SMIM18: variants seen among roughly 807,000 people sequenced by gnomAD.
SMIM18 encodes the protein small integral membrane protein 18.
Under a neutral mutation model 5.9 loss-of-function variants are expected in SMIM18, and 4 were observed. The ratio of observed to expected loss-of-function variants is 0.68; its 90% confidence interval spans 0.33 to 1.56. SMIM18 has a LOEUF of 1.56. Ranked by LOEUF, SMIM18 falls within the 40% of genes most tolerant of loss-of-function variation. The pLI is 0.06. For synonymous variants in SMIM18, 37 were observed against 37.4 expected (o/e 0.99, Z 0.04); for missense variants, 89 against 109.7 (o/e 0.81, Z 0.84).
chr8:30,641,970 A>AT (rs1801852293), intron 1 of SMIM18, among the ~76,000 whole-genome samples: 1 of 152,216 alleles, frequency 6.6e-6, no homozygotes. Context: ...CCAGCCAAGC[A>AT]TAATTATTAA....
chr8:30,645,724 A>C lies in SMIM18; in HGVS notation c.*127A>C, dbSNP rs1802050364. On this transcript the variant is annotated 3_prime_UTR_variant, in exon 3 of 3. Coordinates refer to ENST00000517349, the MANE Select transcript of SMIM18 (RefSeq NM_001206847.2). ...TGAATGGTTAAAACATTTCTAGTAG[A>C]AGGGGAAAAAAAAGTTAAACATGCA... is the stretch of plus-strand genomic sequence containing the variant. 2.0e-6 allele frequency: 2 copies of C among 981,572 alleles called. No individual in the cohort carries two copies. Among genetic ancestry groups the C allele is most frequent in the South Asian group, 3.6e-5 (2 of 56,106 alleles). 60.8% of individuals were successfully genotyped at this position (981,572 alleles called of 1,614,324 possible). A position where few individuals can be genotyped will look rare whatever the true frequency, so the allele number is the denominator to read the frequency against.
chr8:30,642,686 C>T (rs186260315), intron 1 of SMIM18, among the ~76,000 whole-genome samples: 1 of 152,196 alleles, frequency 6.6e-6, no homozygotes, highest in Non-Finnish European at 1.5e-5. Flanking sequence ...TTCCTATATA[C>T]ACTATCCTAC....
intron 1 of SMIM18, among the ~76,000 whole-genome samples, chr8:30,641,651 T>C (rs1449046940): frequency 1.3e-5 from 2 of 152,044 alleles, no homozygotes; most frequent in East Asian, 3.9e-4. Flanking sequence ...CCAAGGTGGG[T>C]GGATTACCTG....
rs142229470 is a variant in SMIM18, at chr8:30,640,233, G to A, written c.-111+1594G>A. On this transcript the variant is annotated intron_variant, in intron 1 of 2. Transcript: ENST00000517349. ...TAGGATTAACTGATCACATTTCAAA[G>A]TGATATGCTTAAAAGCACCTGAGAA... 4.0e-3 allele frequency among the ~76,000 whole-genome samples: 610 copies of A among 152,246 alleles called. 9 individuals carry two copies. Among genetic ancestry groups the A allele is most frequent in the African/African-American group, 0.014 (592 of 41,546 alleles).
At chr8:30,639,657 A>G (rs1473859275) in intron 1 of SMIM18, among the ~76,000 whole-genome samples, 2 of 152,202 alleles carry the variant, frequency 1.3e-5, no homozygotes, top group African/African-American at 4.8e-5. Flanking sequence ...ATGAAAATTT[A>G]GTTATTTACT....
At chr8:30,640,203 G>A (rs192695398) in intron 1 of SMIM18, among the ~76,000 whole-genome samples, 3 of 152,222 alleles carry the variant, frequency 2.0e-5, no homozygotes, top group Admixed American at 6.5e-5. Flanking sequence ...ATATTTACAG[G>A]CTATTAGGAT....
At chr8:30,645,121 G>A (rs149819613) in intron 2 of SMIM18, among the ~76,000 whole-genome samples, 160 bp from the exon 3 acceptor site, 46 of 152,254 alleles carry the variant, frequency 3.0e-4, no homozygotes, top group African/African-American at 1.1e-3. Flanking sequence ...GACTAAGGAC[G>A]TTGGCCCAGA....
chr8:30,645,370 G>A lies in SMIM18; in HGVS notation c.61G>A (p.Val21Ile), dbSNP rs1282926303. Residue 21 changes from valine to isoleucine, a missense_variant, in exon 3 of 3, where the codon GTT (valine) becomes ATT (isoleucine). Coordinates refer to ENST00000517349, the MANE Select transcript of SMIM18 (RefSeq NM_001206847.2). ...TSVYQYLGFQ[V>I]QKIYPFHDNW... is the part of the protein sequence containing the mutation. ...TGTTTATCAGTACCTTGGTTTTCAA[G>A]TTCAAAAAATTTACCCTTTCCATGA... 3.3e-6 allele frequency: 5 copies of A among 1,535,530 alleles called. No individual in the cohort carries two copies. The African/African-American group carries it at 5.5e-5, about 17-fold the overall frequency.
intron 1 of SMIM18, among the ~76,000 whole-genome samples, chr8:30,639,767 GT>G (rs144757695): frequency 3.4e-5 from 5 of 147,550 alleles, no homozygotes; most frequent in Admixed American, 6.8e-5. Flanking sequence ...AAGGGTTTTT[GT>G]TTTTTTTTTC....
chr8:30,642,336 C>A (rs1280900590), intron 1 of SMIM18, among the ~76,000 whole-genome samples: 1 of 149,890 alleles, frequency 6.7e-6, no homozygotes, highest in Non-Finnish European at 1.5e-5. Flanking sequence ...AATGGTTACT[C>A]CATACTACTC....
chr8:30,639,463 AG>A (rs1801731554), intron 1 of SMIM18, among the ~76,000 whole-genome samples: 1 of 152,234 alleles, frequency 6.6e-6, no homozygotes. Context: ...ATAAATACAA[AG>A]TAAGTCCTTT....
At chr8:30,641,474 C>T (rs4733195) in intron 1 of SMIM18, among the ~76,000 whole-genome samples, 8 of 152,184 alleles carry the variant, frequency 5.3e-5, no homozygotes, top group Admixed American at 1.3e-4. Flanking sequence ...GCTATCCCCC[C>T]ACCTGAGCCT....
At chr8:30,638,908 A>G (rs972027972) in intron 1 of SMIM18, among the ~76,000 whole-genome samples, 2 of 152,158 alleles carry the variant, frequency 1.3e-5, no homozygotes, top group Non-Finnish European at 2.9e-5. Context: ...CTCAGAGTAA[A>G]CCATAGCTTT....
intron 1 of SMIM18, among the ~76,000 whole-genome samples, chr8:30,643,980 G>A (rs1444396362): frequency 6.6e-6 from 1 of 152,176 alleles, no homozygotes; most frequent in African/African-American, 2.4e-5. Flanking sequence ...ATGTAGTAAA[G>A]GAAAAGCATA....
chr8:30,645,398 A>T lies in SMIM18; in HGVS notation c.89A>T (p.Asn30Ile). The change falls in exon 3 of 3, where the codon AAC (asparagine) becomes ATC (isoleucine). Residue 30 changes from asparagine to isoleucine, a missense_variant. Coordinates refer to ENST00000517349, the MANE Select transcript of SMIM18 (RefSeq NM_001206847.2). ...QVQKIYPFHDNWNTACFVILL... is the reference protein window; with the variant it reads ...QVQKIYPFHDIWNTACFVILL... ...CAAAAAATTTACCCTTTCCATGACA[A>T]CTGGAACACTGCCTGCTTTGTCATC... 1 of 1,535,644 alleles carries T rather than the reference A, an allele frequency of 6.5e-7. No individual in the cohort carries two copies. The highest frequency in any genetic ancestry group is 1.2e-5 in the South Asian group (1 of 84,062).
rs1214113999 is a variant in SMIM18 at position 30,645,277 on chromosome 8, A to T, written c.-29-4A>T. ...CATAAATTCATTTTCTACCTTTTTT[A>T]TAGATTCAAAAGAGCAAGTGGAATC... On this transcript the variant is annotated splice_polypyrimidine_tract_variant and splice_region_variant and intron_variant, in intron 2 of 2. Transcript: ENST00000517349. 3 of 1,507,578 alleles carry T rather than the reference A, an allele frequency of 2.0e-6. No individual in the cohort carries two copies. In the East Asian group the frequency reaches 7.4e-5, roughly 37 times the overall value. The allele number at this position is 1,507,578 out of a possible 1,614,324, so 93.4% of individuals were successfully genotyped here.
intron 1 of SMIM18, among the ~76,000 whole-genome samples, chr8:30,639,904 T>C (rs1187098956): frequency 2.0e-5 from 3 of 152,052 alleles, no homozygotes; most frequent in African/African-American, 7.2e-5. Context: ...TGGGGTTAAT[T>C]ATCTAGAAAC....
rs145300520 is a variant in SMIM18 at position 30,638,853 on chromosome 8, T to C, written c.-111+214T>C. Among the ~76,000 whole-genome samples the C allele has an allele frequency of 4.5e-4, 68 of 152,326 alleles. 1 individual carries two copies. The East Asian group carries it at 0.013, about 29-fold the overall frequency. ...AGCACCCTTACCATCTGTGCCTTAATGGAAAATTCATTACATTTTACATGA... is the reference window on the plus strand; with the variant it reads ...AGCACCCTTACCATCTGTGCCTTAACGGAAAATTCATTACATTTTACATGA... On this transcript the variant is annotated intron_variant, in intron 1 of 2. Coordinates refer to ENST00000517349, the MANE Select transcript of SMIM18 (RefSeq NM_001206847.2).
intron 1 of SMIM18, among the ~76,000 whole-genome samples, chr8:30,642,929 C>T (rs966973454): frequency 1.3e-5 from 2 of 152,140 alleles, no homozygotes; most frequent in African/African-American, 4.8e-5. Flanking sequence ...AAGCAGTTCA[C>T]TTATACCTCA....
Sources: gnomAD v4.1 joint callset for allele counts (sites outside exome capture counted in the v4.1 genomes callset) on GRCh38, gnomAD v4.1.1 for gene constraint, MANE v1.5 for transcripts, NCBI Gene and HGNC (gene_info 2026-07-23, HGNC 2026-07-21) for gene names.